The following FRMD4A variants were observed in gnomAD, a reference collection of about 807,000 sequenced individuals.
FRMD4A encodes the protein FERM domain-containing protein 4A.
FRMD4A carries 29 observed loss-of-function variants against 129.1 expected under a neutral mutation model. That is an observed-to-expected ratio of 0.22 (90% CI 0.17 to 0.31). FRMD4A has a LOEUF of 0.31. Ranked by LOEUF, FRMD4A falls within the 10% of genes least tolerant of loss-of-function variation. The pLI is 1.00. For missense variants in FRMD4A, 1,272 were observed against 1,375.8 expected (o/e 0.92, Z 1.19); for synonymous variants, 634 against 571.6 (o/e 1.11, Z -1.56).
chr10:13,670,561 C>A, intron 16 of FRMD4A, 33 bp from the exon 17 acceptor site: 1 of 1,607,304 alleles, frequency 6.2e-7, no homozygotes, highest in Non-Finnish European at 8.5e-7. Context: ...GGAGTGAGCA[C>A]AAATCAGAGT....
intron 2 of FRMD4A, among the ~76,000 whole-genome samples, chr10:13,884,956 C>T (rs2094601154): frequency 6.6e-6 from 1 of 152,208 alleles, no homozygotes; most frequent in Non-Finnish European, 1.5e-5. Context: ...GTAGCACCTC[C>T]ACTTCTACAG....
At chr10:14,131,817 T>C (rs1378233068) in intron 2 of FRMD4A, among the ~76,000 whole-genome samples, 1 of 152,152 alleles carries the variant, frequency 6.6e-6, no homozygotes, top group Non-Finnish European at 1.5e-5. Flanking sequence ...AGCTGGGAGC[T>C]GGACTGTTGA....
chr10:13,933,583 G>T (rs188598813), intron 2 of FRMD4A, among the ~76,000 whole-genome samples: 135 of 152,324 alleles, frequency 8.9e-4, no homozygotes, highest in African/African-American at 3.1e-3. Context: ...CGTGACAGGG[G>T]TCACTCTATC....
intron 2 of FRMD4A, among the ~76,000 whole-genome samples, chr10:14,273,059 TACACACACACACACAC>T (rs59318900): frequency 3.5e-5 from 5 of 143,918 alleles, no homozygotes; most frequent in Non-Finnish European, 7.6e-5. Flanking sequence ...TTACCAGAAA[TACACACACACACACAC>T]ACACACACAC....
chr10:14,284,631 C>T (rs1230676081), intron 2 of FRMD4A, among the ~76,000 whole-genome samples: 1 of 152,056 alleles, frequency 6.6e-6, no homozygotes, highest in Non-Finnish European at 1.5e-5. Context: ...CCAGCCTGGG[C>T]GACAGAGGGA....
chr10:13,834,450 T>G (rs1306208004), intron 3 of FRMD4A, among the ~76,000 whole-genome samples: 1 of 152,214 alleles, frequency 6.6e-6, no homozygotes, highest in East Asian at 1.9e-4. Context: ...CACAGTCCTT[T>G]GTGCTCTTCT....
intron 2 of FRMD4A, among the ~76,000 whole-genome samples, chr10:14,152,097 C>A (rs1327512959): frequency 7.2e-6 from 1 of 138,852 alleles, no homozygotes; most frequent in African/African-American, 2.7e-5. Context: ...ATAGCCAAAG[C>A]AGGATATGTT....
At chr10:14,138,088 C>T (rs1306981619) in intron 2 of FRMD4A, among the ~76,000 whole-genome samples, 1 of 152,174 alleles carries the variant, frequency 6.6e-6, no homozygotes, top group Non-Finnish European at 1.5e-5. Context: ...AACATCTTTA[C>T]CTAAAAGGAA....
At chr10:14,075,570 C>T (rs772692411) in intron 2 of FRMD4A, among the ~76,000 whole-genome samples, 1 of 152,192 alleles carries the variant, frequency 6.6e-6, no homozygotes, top group Non-Finnish European at 1.5e-5. Context: ...TTAGCCTAAC[C>T]TGAGCTGAAA....
intron 2 of FRMD4A, among the ~76,000 whole-genome samples, chr10:14,259,070 T>C (rs750443252): frequency 1.3e-5 from 2 of 152,184 alleles, no homozygotes; most frequent in African/African-American, 2.4e-5. Context: ...TGTTCACTTT[T>C]ATTATTATAG....
Position 13,761,678 on chromosome 10 carries a change from G to A in FRMD4A, c.442-9C>T, listed in dbSNP as rs2092078818. On this transcript the variant is annotated splice_polypyrimidine_tract_variant and intron_variant, in intron 7 of 24. Coordinates refer to ENST00000357447, the MANE Select transcript of FRMD4A (RefSeq NM_018027.5). ...AAATCTCCCTTTGCCTCCTGTAGAAGAAAAAATTCAACATCAGCGAAATAC... is the reference window on the plus strand; with the variant it reads ...AAATCTCCCTTTGCCTCCTGTAGAAAAAAAAATTCAACATCAGCGAAATAC... The A allele has an allele frequency of 1.9e-6, 3 of 1,595,290 alleles. No homozygotes were observed. Among genetic ancestry groups the A allele is most frequent in the South Asian group, 2.2e-5 (2 of 89,288 alleles).
At chr10:13,798,025 TTC>T (rs1197095639) in intron 4 of FRMD4A, among the ~76,000 whole-genome samples, 1 of 152,228 alleles carries the variant, frequency 6.6e-6, no homozygotes, top group Non-Finnish European at 1.5e-5. Flanking sequence ...TGGCCTGTTT[TTC>T]CTCTTTCTAA....
intron 12 of FRMD4A, among the ~76,000 whole-genome samples, chr10:13,713,313 G>A (rs958633046): frequency 9.9e-5 from 15 of 152,196 alleles, no homozygotes; most frequent in Admixed American, 3.9e-4. Flanking sequence ...CCCACATCTT[G>A]TGACTTCTGG....
rs1564288770 is a variant in FRMD4A at position 14,098,065 on chromosome 10, GATTATATATA to G, written c.45+231983_45+231992del. ...TAAATTATTTATTATATAAATTATA[GATTATATATA>G]AATTATATATTATATAAATTATAGA... On this transcript the variant is annotated intron_variant, in intron 2 of 24. Transcript: ENST00000357447. Among the ~76,000 whole-genome samples, 5 of 135,350 alleles carry G rather than the reference GATTATATATA, an allele frequency of 3.7e-5. 1 individual carries two copies. The South Asian group carries it at 1.1e-3, about 31-fold the overall frequency. The allele number at this position is 135,350 out of a possible 152,430, so 88.8% of individuals were successfully genotyped here.
At chr10:13,980,201 A>G (rs2095555778) in intron 2 of FRMD4A, among the ~76,000 whole-genome samples, 1 of 152,140 alleles carries the variant, frequency 6.6e-6, no homozygotes. Flanking sequence ...AGAGGTGTAA[A>G]TGGTATCTGG....
rs532045527 is a variant in FRMD4A at position 13,798,688 on chromosome 10, G to T, written c.207-2100C>A. Among the ~76,000 whole-genome samples the T allele has an allele frequency of 7.0e-4, 106 of 152,356 alleles. 1 individual carries two copies. The highest frequency in any genetic ancestry group is 2.5e-3 in the African/African-American group (105 of 41,584). The stretch of plus-strand genomic sequence containing the variant: ...GCCGAGATGGCGCCACCGCACTCCA[G>T]CCTGGGTGACAGAGCGAGACTCCGT... On this transcript the variant is annotated intron_variant, in intron 4 of 24. Coordinates refer to ENST00000357447, the MANE Select transcript of FRMD4A (RefSeq NM_018027.5).
chr10:14,181,337 G>A (rs1291966453), intron 2 of FRMD4A, among the ~76,000 whole-genome samples: 2 of 152,028 alleles, frequency 1.3e-5, no homozygotes, highest in Non-Finnish European at 2.9e-5. Context: ...TTTGTCAAGA[G>A]GGAGAAGAAA....
intron 2 of FRMD4A, among the ~76,000 whole-genome samples, chr10:14,252,812 A>G (rs1175861930): frequency 1.3e-5 from 2 of 152,260 alleles, no homozygotes; most frequent in Non-Finnish European, 2.9e-5. Context: ...CCACTATGTT[A>G]GAACCAATTA....
At chr10:14,078,543 T>G (rs1305867251) in intron 2 of FRMD4A, among the ~76,000 whole-genome samples, 1 of 152,222 alleles carries the variant, frequency 6.6e-6, no homozygotes, top group Non-Finnish European at 1.5e-5. Context: ...CTCTCAACAG[T>G]AAGTTACTGA....
Sources: allele counts gnomAD v4.1 joint callset (sites outside exome capture counted in the v4.1 genomes callset), GRCh38; gene constraint gnomAD v4.1.1; transcripts MANE v1.5; gene names NCBI Gene and HGNC (gene_info 2026-07-23, HGNC 2026-07-21).